The following HSD17B14 variants were observed in gnomAD, a reference collection of about 807,000 sequenced individuals.
The protein encoded by HSD17B14 is L-fucose dehydrogenase.
HSD17B14 carries 32 observed loss-of-function variants against 32.2 expected under a neutral mutation model. The observed-to-expected ratio is 0.99, with a 90% CI of 0.75 to 1.33. HSD17B14 has a LOEUF of 1.33. HSD17B14 is among the 40% of genes most tolerant of loss of function. The pLI, the probability that HSD17B14 is intolerant of heterozygous loss-of-function variation, is 0.00. For synonymous variants in HSD17B14, 140 were observed against 155.4 expected, an observed-to-expected ratio of 0.90 and a Z score of 0.74; for missense variants, 370 against 366.5, an observed-to-expected ratio of 1.01 and a Z score of -0.08.
At chr19:48,827,546 C>T (rs576359111) in intron 5 of HSD17B14, among the ~76,000 whole-genome samples, 2 of 148,120 alleles carry the variant, frequency 1.4e-5, no homozygotes, top group Non-Finnish European at 3.0e-5. Context: ...TCTTCTCCTT[C>T]GTTTTTTTTT....
chr19:48,817,881 A>G (rs769425851), intron 5 of HSD17B14, among the ~76,000 whole-genome samples: 5 of 152,198 alleles, frequency 3.3e-5, no homozygotes, highest in Non-Finnish European at 5.9e-5. Flanking sequence ...CCATTTCACA[A>G]GCGAGGAGAC....
chr19:48,828,045 G>A (rs370398275), intron 5 of HSD17B14, among the ~76,000 whole-genome samples: 5 of 151,920 alleles, frequency 3.3e-5, no homozygotes, highest in African/African-American at 9.6e-5. Flanking sequence ...TAGTAGAGAC[G>A]GGGTTTCACC....
Position 48,813,462 on chromosome 19 carries a change from C to T in HSD17B14, c.633G>A (p.Leu211=). ...ATCTGAACCCCACTTCTACCTGGGC[C>T]AGCATGCCCTCTCGGATTGTGGCCC... ...DPRATIREGM[L]AQPLGRMGQP... Residue 211 remains leucine, a synonymous_variant, in exon 8 of 9, where the codon CTG becomes CTA. Transcript: ENST00000263278. 2 of 1,611,078 alleles carry T rather than the reference C, an allele frequency of 1.2e-6. No homozygotes were observed. Among genetic ancestry groups the T allele is most frequent in the South Asian group, 2.2e-5 (2 of 90,580 alleles).
intron 6 of HSD17B14, among the ~76,000 whole-genome samples, 184 bp downstream of exon 6, chr19:48,814,848 AAAAAG>A (rs943084196): frequency 4.2e-5 from 5 of 120,470 alleles, no homozygotes; most frequent in East Asian, 4.3e-4. Context: ...TTAAAAAAAA[AAAAAG>A]AAAAGAAAAG....
chr19:48,815,706 T>A (rs1016690279), intron 5 of HSD17B14, among the ~76,000 whole-genome samples: 3 of 151,870 alleles, frequency 2.0e-5, no homozygotes, highest in Non-Finnish European at 4.4e-5. Context: ...GAGGGGGAGA[T>A]GGTTTCTATG....
intron 3 of HSD17B14, among the ~76,000 whole-genome samples, chr19:48,833,809 G>A (rs967075928): frequency 2.0e-5 from 3 of 149,326 alleles, no homozygotes; most frequent in African/African-American, 7.4e-5. Context: ...CTGGGCAACA[G>A]GAGCGAAACT....
At chr19:48,821,153 C>T (rs1455174663) in intron 5 of HSD17B14, among the ~76,000 whole-genome samples, 2 of 151,894 alleles carry the variant, frequency 1.3e-5, no homozygotes, top group African/African-American at 2.4e-5. Context: ...GGTGGGACTA[C>T]AGGCGCCCGC....
At chr19:48,821,974 GTGA>G (rs2122760268) in intron 5 of HSD17B14, among the ~76,000 whole-genome samples, 1 of 151,700 alleles carries the variant, frequency 6.6e-6, no homozygotes, top group African/African-American at 2.4e-5. Context: ...GGTAATGATG[GTGA>G]TGATTGTGGT....
intron 5 of HSD17B14, among the ~76,000 whole-genome samples, chr19:48,823,053 C>T (rs1012690789): frequency 1.3e-5 from 2 of 152,098 alleles, no homozygotes; most frequent in Non-Finnish European, 2.9e-5. Context: ...AGGCAATATG[C>T]AAATGTTGTC....
At chr19:48,821,447 C>T (rs752117341) in intron 5 of HSD17B14, among the ~76,000 whole-genome samples, 5 of 152,158 alleles carry the variant, frequency 3.3e-5, no homozygotes, top group Non-Finnish European at 7.3e-5. Context: ...TCCTTAATCC[C>T]GCCCTTGTTT....
intron 4 of HSD17B14, among the ~76,000 whole-genome samples, 158 bp from the exon 5 acceptor site, chr19:48,831,917 A>G (rs772192617): frequency 6.6e-6 from 1 of 151,498 alleles, no homozygotes; most frequent in Non-Finnish European, 1.5e-5. Context: ...GTCTCTACGA[A>G]AAATACAAAA....
At chr19:48,820,264 A>G (rs1159827853) in intron 5 of HSD17B14, among the ~76,000 whole-genome samples, 29 of 152,182 alleles carry the variant, frequency 1.9e-4, no homozygotes, top group South Asian at 6.2e-4. Context: ...ACCTAAGGTC[A>G]AGAGTTCGAG....
intron 5 of HSD17B14, among the ~76,000 whole-genome samples, chr19:48,816,500 C>T (rs1454335434): frequency 6.6e-6 from 1 of 152,276 alleles, no homozygotes; most frequent in East Asian, 1.9e-4. Flanking sequence ...GCCAGCCATC[C>T]CAGTTTGCCC....
At chr19:48,833,618 G>A (rs2035387246) in intron 3 of HSD17B14, among the ~76,000 whole-genome samples, 1 of 152,080 alleles carries the variant, frequency 6.6e-6, no homozygotes, top group South Asian at 2.1e-4. Context: ...TCTGAGGTTG[G>A]GAGTTCGAGA....
At position 48,813,171 on chromosome 19, in the gene HSD17B14, G is replaced by T. The variant is rs1045379; in HGVS notation, c.*4C>A. 4.4e-6 allele frequency: 7 copies of T among 1,578,318 alleles called. No individual in the cohort carries two copies. Among genetic ancestry groups the T allele is most frequent in the South Asian group, 2.3e-5 (2 of 87,532 alleles). ...AAGGGGGCCCCAAGTAGAAATGAGA[G>T]AAATCAGGAAGGGATATCGGGGGCG... On this transcript the variant is annotated 3_prime_UTR_variant, in exon 9 of 9. Transcript: ENST00000263278.
chr19:48,818,914 G>A lies in HSD17B14; in HGVS notation c.370-3773C>T, dbSNP rs111475065. ...GCCAGTGTGGCCGGAGGTGAGGTCA[G>A]AGAAGAACAGGGGCCAGATCACGAG... On this transcript the variant is annotated intron_variant, in intron 5 of 8. Transcript: ENST00000263278. 4.8e-3 allele frequency among the ~76,000 whole-genome samples: 736 copies of A among 152,332 alleles called. 6 individuals are homozygous for A. Among genetic ancestry groups the A allele is most frequent in the Non-Finnish European group, 8.1e-3 (554 of 68,036 alleles).
Position 48,813,376 on chromosome 19 carries a change from T to A in HSD17B14, c.640-28A>T. ...GGGGAGAAAAGAGGGGGGAAGGAGG[T>A]CAAGAGGAGCCCCACTTGATCGCCA... On this transcript the variant is annotated intron_variant, in intron 8 of 8. Coordinates refer to ENST00000263278, the MANE Select transcript of HSD17B14 (RefSeq NM_016246.3). The A allele has an allele frequency of 1.9e-6, 3 of 1,555,664 alleles. No individual in the cohort carries two copies. In the South Asian group the frequency reaches 3.5e-5, roughly 18 times the overall value.
intron 5 of HSD17B14, among the ~76,000 whole-genome samples, chr19:48,827,449 A>G (rs904588694): frequency 2.0e-5 from 3 of 152,138 alleles, no homozygotes; most frequent in African/African-American, 7.2e-5. Flanking sequence ...AAAAAGTGCT[A>G]TGCGGAGAAT....
At chr19:48,834,155 C>G in intron 3 of HSD17B14, 121 bp downstream of exon 3, 1 of 759,864 alleles carries the variant, frequency 1.3e-6, no homozygotes, top group South Asian at 1.6e-5. Flanking sequence ...AAACCTTTGA[C>G]GAGTCCAGCG....
Sources: gnomAD v4.1 joint callset for allele counts (sites outside exome capture counted in the v4.1 genomes callset) on GRCh38, gnomAD v4.1.1 for gene constraint, MANE v1.5 for transcripts, NCBI Gene and HGNC (gene_info 2026-07-23, HGNC 2026-07-21) for gene names.